Variants in OTUD7A observed in about 807,000 individuals in gnomAD.
The protein encoded by OTUD7A is OTU domain-containing protein 7A.
In OTUD7A, 12 loss-of-function variants were observed where a neutral mutation model predicts 65.7. The ratio of observed to expected loss-of-function variants is 0.18; its 90% CI spans 0.12 to 0.30. OTUD7A has a LOEUF of 0.30. Ranked by LOEUF, OTUD7A falls within the 10% of genes least tolerant of loss-of-function variation. The probability of loss-of-function intolerance (pLI) is 1.00; values close to 1 mark genes in which losing one functional copy is unlikely to be tolerated. For synonymous variants in OTUD7A, 641 were observed against 586.3 expected (o/e 1.09, Z -1.35); for missense variants, 1,148 against 1,304.8 (o/e 0.88, Z 1.85).
At chr15:31,818,049 C>T (rs953559771) in intron 1 of OTUD7A, among the ~76,000 whole-genome samples, 1 of 152,194 alleles carries the variant, frequency 6.6e-6, no homozygotes, top group African/African-American at 2.4e-5. Context: ...GTTTGCCCTT[C>T]TATCTCCCCC....
rs531462462 is a variant in OTUD7A, at chr15:31,703,577, T to G, written c.-99-46500A>C. Among the ~76,000 whole-genome samples, 3 of 152,174 alleles carry G rather than the reference T, an allele frequency of 2.0e-5. No homozygotes were observed. In the East Asian group the frequency reaches 5.8e-4, roughly 29 times the overall value. On this transcript the variant is annotated intron_variant, in intron 1 of 12. Transcript: ENST00000307050. The stretch of plus-strand genomic sequence containing the variant: ...AAATAAAAAACAGTGACAACACCAA[T>G]AGTTGACAAGGACGCAGAGAAACAG...
intron 1 of OTUD7A, among the ~76,000 whole-genome samples, chr15:31,693,238 G>GA (rs1892997860): frequency 2.0e-5 from 3 of 152,218 alleles, no homozygotes; most frequent in Non-Finnish European, 4.4e-5. Flanking sequence ...AAATAAAGAG[G>GA]AGAGTCTCTT....
intron 3 of OTUD7A, among the ~76,000 whole-genome samples, chr15:31,642,937 T>C (rs1012402719): frequency 3.9e-5 from 6 of 151,908 alleles, no homozygotes; most frequent in South Asian, 2.1e-4. Flanking sequence ...AATTTGCTCT[T>C]TTTTTTTCTA....
intron 1 of OTUD7A, among the ~76,000 whole-genome samples, chr15:31,843,561 C>T (rs557149052): frequency 1.3e-5 from 2 of 152,324 alleles, no homozygotes; most frequent in Admixed American, 6.5e-5. Flanking sequence ...AAGGCAATGT[C>T]CACAGCTTCT....
chr15:31,857,346 G>A (rs933278991), intron 1 of OTUD7A, among the ~76,000 whole-genome samples: 1 of 152,188 alleles, frequency 6.6e-6, no homozygotes, highest in Non-Finnish European at 1.5e-5. Flanking sequence ...CAGGAGCCGG[G>A]CCTCCCAGCA....
At chr15:31,558,798 A>T in intron 5 of OTUD7A, 171 bp downstream of exon 5, 1 of 708,500 alleles carries the variant, frequency 1.4e-6, no homozygotes, top group Non-Finnish European at 2.3e-6. Context: ...CATGCTGGCT[A>T]GAACACTGTC....
intron 1 of OTUD7A, among the ~76,000 whole-genome samples, chr15:31,826,335 T>C (rs1236387788): frequency 6.6e-6 from 1 of 152,234 alleles, no homozygotes; most frequent in Non-Finnish European, 1.5e-5. Flanking sequence ...CAGCACCACA[T>C]GGATATTGCC....
chr15:31,762,916 C>A (rs938874461), intron 1 of OTUD7A, among the ~76,000 whole-genome samples: 16 of 152,038 alleles, frequency 1.1e-4, no homozygotes, highest in Admixed American at 5.9e-4. Context: ...TCCGAGACGA[C>A]AAAAATATTG....
chr15:31,483,972 C>T lies in OTUD7A; in HGVS notation c.2124G>A (p.Glu708=). The change falls in exon 13 of 13, where the codon GAG becomes GAA. Residue 708 remains glutamate, a synonymous_variant. Coordinates refer to ENST00000307050, the MANE Select transcript of OTUD7A (RefSeq NM_001382637.1). ...AGGCGCGCTCCGGGACCGGCACGCCCTCCGTCTCCGGTCTGCGCGGCGGCC... is the reference window on the plus strand; with the variant it reads ...AGGCGCGCTCCGGGACCGGCACGCCTTCCGTCTCCGGTCTGCGCGGCGGCC... ...AKRPPRRPET[E]GVPVPERASP... 7.0e-6 allele frequency: 8 copies of T among 1,143,420 alleles called. No individual in the cohort carries two copies. In the South Asian group the frequency reaches 1.9e-4, roughly 27 times the overall value. 70.8% of individuals were successfully genotyped at this position (1,143,420 alleles called of 1,614,324 possible).
intron 1 of OTUD7A, among the ~76,000 whole-genome samples, chr15:31,746,500 T>C (rs1326461267): frequency 8.7e-6 from 1 of 114,832 alleles, no homozygotes; most frequent in Non-Finnish European, 1.8e-5. Flanking sequence ...CATAGTAGTT[T>C]TTACATATTT....
intron 1 of OTUD7A, among the ~76,000 whole-genome samples, chr15:31,668,651 A>C (rs1409388754): frequency 6.6e-6 from 1 of 152,086 alleles, no homozygotes; most frequent in Non-Finnish European, 1.5e-5. Context: ...TTTTCAGGTA[A>C]ATCAGAGATT....
rs8034575 is a variant in OTUD7A at position 31,849,870 on chromosome 15, A to T, written c.-100+20637T>A. 7.0e-3 allele frequency among the ~76,000 whole-genome samples: 1,066 copies of T among 152,362 alleles called. 15 individuals carry two copies. The highest frequency in any genetic ancestry group is 0.025 in the African/African-American group (1,026 of 41,584). On this transcript the variant is annotated intron_variant, in intron 1 of 12. Coordinates refer to ENST00000307050, the MANE Select transcript of OTUD7A (RefSeq NM_001382637.1). ...AATGAGATACCATCTCACACCAGTT[A>T]GAATGGTGATCATTAAAAAGTCAGG...
At position 31,766,147 on chromosome 15, in the gene OTUD7A, C is replaced by A. The variant is rs1034048976; in HGVS notation, c.-100+104360G>T. 11 of 1,461,560 alleles carry A rather than the reference C, an allele frequency of 7.5e-6. No individual in the cohort carries two copies. The African/African-American group carries it at 1.5e-4, about 20-fold the overall frequency. The allele number at this position is 1,461,560 out of a possible 1,614,324, so 90.5% of individuals were successfully genotyped here. A position where few individuals can be genotyped will look rare whatever the true frequency, so the allele number is the denominator to read the frequency against. The stretch of plus-strand genomic sequence containing the variant: ...GAGGGTACTTGAAGAATTTCCTGAT[C>A]ATGATCCATTAAGAAAGAAACTAAT... On this transcript the variant is annotated intron_variant, in intron 1 of 12. Coordinates refer to ENST00000307050, the MANE Select transcript of OTUD7A (RefSeq NM_001382637.1).
intron 4 of OTUD7A, among the ~76,000 whole-genome samples, chr15:31,562,722 G>C (rs1454706359): frequency 6.6e-6 from 1 of 152,144 alleles, no homozygotes; most frequent in Admixed American, 6.5e-5. Flanking sequence ...TAAAGGGTGA[G>C]ACAGAAATAT....
chr15:31,559,202 G>A lies in OTUD7A; in HGVS notation c.332-15C>T. 6.2e-7 allele frequency: 1 copy of A among 1,609,706 alleles called. No individual in the cohort carries two copies. The highest frequency in any genetic ancestry group is 8.5e-7 in the Non-Finnish European group (1 of 1,177,388). Reference sequence around the variant, plus strand: ...AAGCCGCTTTTCTGCAGGGGGAGAAGGAAAGATAGCCCCAAGGGCTGAGTG... The same window carrying A: ...AAGCCGCTTTTCTGCAGGGGGAGAAAGAAAGATAGCCCCAAGGGCTGAGTG... On this transcript the variant is annotated splice_polypyrimidine_tract_variant and intron_variant, in intron 4 of 12. Coordinates refer to ENST00000307050, the MANE Select transcript of OTUD7A (RefSeq NM_001382637.1).
intron 1 of OTUD7A, among the ~76,000 whole-genome samples, chr15:31,763,281 TCAACAA>T (rs372323034): frequency 5.7e-4 from 86 of 151,108 alleles, no homozygotes; most frequent in South Asian, 2.5e-3. Flanking sequence ...AGACTCCATC[TCAACAA>T]CAACAACAAC....
chr15:31,844,278 A>T (rs974513840), intron 1 of OTUD7A, among the ~76,000 whole-genome samples: 3 of 152,202 alleles, frequency 2.0e-5, no homozygotes, highest in Non-Finnish European at 4.4e-5. Flanking sequence ...AGGCTGAGGC[A>T]GGTGGATCAT....
intron 3 of OTUD7A, among the ~76,000 whole-genome samples, chr15:31,597,690 T>C (rs1444792022): frequency 6.6e-6 from 1 of 152,048 alleles, no homozygotes; most frequent in Non-Finnish European, 1.5e-5. Flanking sequence ...TGTCCTCCCC[T>C]AGGTCCTCAG....
intron 1 of OTUD7A, among the ~76,000 whole-genome samples, chr15:31,778,390 G>A (rs767681575): frequency 1.1e-4 from 17 of 152,298 alleles, no homozygotes; most frequent in Non-Finnish European, 2.2e-4. Flanking sequence ...GGAAGGACCA[G>A]GAATAGCAAA....
Sources: allele counts gnomAD v4.1 joint callset (sites outside exome capture counted in the v4.1 genomes callset), GRCh38; gene constraint gnomAD v4.1.1; transcripts MANE v1.5; gene names NCBI Gene and HGNC (gene_info 2026-07-23, HGNC 2026-07-21).